COL4A6: variants seen among roughly 807,000 people sequenced by gnomAD.
COL4A6 encodes collagen type IV alpha 6 chain.
COL4A6 carries 59 observed loss-of-function variants against 126.7 expected under a neutral mutation model. That is an observed-to-expected ratio of 0.47 (90% CI 0.38 to 0.58). The LOEUF (loss-of-function observed/expected upper bound fraction) is 0.58. Ranked by LOEUF, COL4A6 falls within the 20% of genes least tolerant of loss-of-function variation. The pLI is 0.00. For missense variants in COL4A6, 1,285 were observed against 1,337.3 expected (o/e 0.96, Z 0.61); for synonymous variants, 547 against 496.6 (o/e 1.10, Z -1.35).
intron 2 of COL4A6, among the ~76,000 whole-genome samples, chrX:108,418,918 A>G (rs2041482409): frequency 1.8e-5 from 2 of 112,417 alleles, no homozygotes; most frequent in South Asian, 3.7e-4. Flanking sequence ...CATTTGGTTG[A>G]TATCTTGACA....
chrX:108,389,760 A>G (rs962632897), intron 2 of COL4A6, among the ~76,000 whole-genome samples: 1 of 111,125 alleles, frequency 9.0e-6, no homozygotes. Flanking sequence ...CGTGAATTTG[A>G]TCCTGTCGTT....
intron 16 of COL4A6, 123 bp downstream of exon 16, chrX:108,194,411 T>C: frequency 2.9e-6 from 2 of 694,647 alleles, no homozygotes; most frequent in Non-Finnish European, 4.3e-6. Flanking sequence ...TACATGCATT[T>C]CTTAAGAAAA....
intron 3 of COL4A6, among the ~76,000 whole-genome samples, chrX:108,304,183 C>T (rs2038567387): frequency 8.9e-6 from 1 of 112,081 alleles, no homozygotes; most frequent in South Asian, 3.7e-4. Context: ...CTATCTCCTT[C>T]TCCAGCTCCT....
At chrX:108,268,677 C>A (rs1448177443) in intron 3 of COL4A6, 2 of 122,015 alleles carry the variant, frequency 1.6e-5, no homozygotes, top group African/African-American at 6.4e-5. Context: ...CATGGCAGTG[C>A]CCTTAGTCAG....
chrX:108,413,780 A>G (rs1349478212), intron 2 of COL4A6, among the ~76,000 whole-genome samples: 2 of 112,047 alleles, frequency 1.8e-5, no homozygotes, highest in Non-Finnish European at 3.8e-5. Context: ...GGTACTCTGG[A>G]GAGTCACAAA....
At chrX:108,173,160 G>A (rs2034368559) in intron 31 of COL4A6, among the ~76,000 whole-genome samples, 1 of 112,145 alleles carries the variant, frequency 8.9e-6, no homozygotes, top group Non-Finnish European at 1.9e-5. Flanking sequence ...ATCTGTTATG[G>A]TTTTGGTTCA....
intron 3 of COL4A6, among the ~76,000 whole-genome samples, chrX:108,255,174 C>CCCA (rs1456789156): frequency 1.3e-5 from 1 of 77,549 alleles, no homozygotes; most frequent in Non-Finnish European, 2.4e-5. Context: ...CACTCTGAGT[C>CCCA]CCACAGGGGG....
In COL4A6 at chrX:108,178,710, C is replaced by T; in HGVS notation, c.2489G>A (p.Gly830Glu). Residue 830 changes from glycine (G) to glutamate (E), a missense_variant, in exon 27 of 45, where the codon GGA (glycine) becomes GAA (glutamate). Physicochemically the swap from Gly to Glu is moderately conservative, Grantham distance 98. Coordinates refer to ENST00000334504, the MANE Select transcript of COL4A6 (RefSeq NM_033641.4). ...YGIKGKSGLP[G>E]APGFPGISGH... ...TGAGATGCCTGGGAAGCCTGGTGCT[C>T]CTGGGAGCCCAGATTTGCCCTTGAT... The T allele has an allele frequency of 8.3e-7, 1 of 1,211,434 alleles. No individual in the cohort carries two copies.
At chrX:108,162,410 A>C (rs757439469) in intron 41 of COL4A6, among the ~76,000 whole-genome samples, 1 of 106,557 alleles carries the variant, frequency 9.4e-6, no homozygotes, top group East Asian at 2.9e-4. Flanking sequence ...AAGAAGAAGA[A>C]GAAGAGGAAG....
At chrX:108,211,390 T>C (rs984311459) in intron 7 of COL4A6, among the ~76,000 whole-genome samples, 12 of 112,853 alleles carry the variant, frequency 1.1e-4, no homozygotes, top group African/African-American at 3.5e-4. Flanking sequence ...AATGTCTTGG[T>C]TTGTGAAAGA....
chrX:108,242,364 C>A (rs746146384), intron 3 of COL4A6, among the ~76,000 whole-genome samples: 28 of 111,657 alleles, frequency 2.5e-4, no homozygotes, highest in African/African-American at 9.1e-4. Flanking sequence ...TTTACTCCAA[C>A]TGAAACTAGT....
chrX:108,205,127 A>T (rs192692888), intron 11 of COL4A6, among the ~76,000 whole-genome samples: 1 of 110,737 alleles, frequency 9.0e-6, no homozygotes, highest in Non-Finnish European at 1.9e-5. Context: ...ACAAAACACC[A>T]AGGAAAGACC....
At chrX:108,271,017 C>A (rs1230878255) in intron 3 of COL4A6, among the ~76,000 whole-genome samples, 1 of 112,039 alleles carries the variant, frequency 8.9e-6, no homozygotes, top group Non-Finnish European at 1.9e-5. Flanking sequence ...GACTTTCAGA[C>A]CTCTTCAGAC....
chrX:108,187,134 T>C lies in COL4A6; in HGVS notation c.1913A>G (p.Asp638Gly). ...PRGLPGDKGK[D>G]GLPGQQGLPG... ...AAGGCCTTGTTGTCCCGGTAATCCA[T>C]CCTTGCCTTTATCTCCAGGAAGCCC... Residue 638 changes from aspartate (D) to glycine (G), a missense_variant, in exon 23 of 45, where the codon GAT (aspartate) becomes GGT (glycine). Physicochemically the swap from Asp to Gly is moderately conservative, Grantham distance 94. Transcript: ENST00000334504. The C allele has an allele frequency of 8.4e-7, 1 of 1,185,606 alleles. No homozygotes were observed. The highest frequency in any genetic ancestry group is 1.9e-5 in the South Asian group (1 of 52,512).
intron 13 of COL4A6, among the ~76,000 whole-genome samples, chrX:108,202,022 C>T (rs923305056): frequency 1.8e-5 from 2 of 111,941 alleles, no homozygotes; most frequent in Non-Finnish European, 3.8e-5. Flanking sequence ...TACTGTTCCT[C>T]AAAAGTACTG....
intron 3 of COL4A6, among the ~76,000 whole-genome samples, chrX:108,279,813 C>T (rs1271135152): frequency 8.9e-6 from 1 of 111,998 alleles, no homozygotes; most frequent in African/African-American, 3.3e-5. Context: ...ACAGTGCAAT[C>T]AAACTAGAAC....
At chrX:108,228,709 T>C (rs1233363662) in intron 3 of COL4A6, among the ~76,000 whole-genome samples, 2 of 111,770 alleles carry the variant, frequency 1.8e-5, no homozygotes, top group African/African-American at 6.5e-5. Flanking sequence ...TCATATCTCA[T>C]GAGAACTCAC....
intron 2 of COL4A6, among the ~76,000 whole-genome samples, chrX:108,377,918 G>A (rs753571270): frequency 4.5e-4 from 41 of 90,728 alleles, no homozygotes; most frequent in African/African-American, 1.8e-3. Flanking sequence ...CTCCAGCCTG[G>A]GCGACAGAGC....
intron 3 of COL4A6, among the ~76,000 whole-genome samples, chrX:108,254,712 T>C (rs1281909036): frequency 9.0e-6 from 1 of 110,760 alleles, no homozygotes; most frequent in Non-Finnish European, 1.9e-5. Context: ...CACACACTTA[T>C]CTAAATCTTG....
Sources: gnomAD v4.1 joint callset for allele counts (sites outside exome capture counted in the v4.1 genomes callset) on GRCh38, gnomAD v4.1.1 for gene constraint, MANE v1.5 for transcripts, NCBI Gene and HGNC (gene_info 2026-07-23, HGNC 2026-07-21) for gene names.